SACM1L: variants seen among roughly 807,000 people sequenced by gnomAD.
SACM1L encodes SAC1 like phosphatidylinositide phosphatase, also known as phosphatidylinositol-3-phosphatase SAC1.
SACM1L carries 32 observed loss-of-function variants against 89.5 expected under a neutral mutation model. The ratio of observed to expected loss-of-function variants is 0.36; its 90% CI spans 0.27 to 0.48. The LOEUF (loss-of-function observed/expected upper bound fraction) is 0.48, where lower values mean the gene tolerates loss of function less well. Among genes scored for constraint, SACM1L ranks in the 20% least tolerant of loss-of-function variants. The probability of loss-of-function intolerance (pLI) is 0.99; values close to 1 mark genes in which losing one functional copy is unlikely to be tolerated. For synonymous variants in SACM1L, 213 were observed against 232.8 expected, an observed-to-expected ratio of 0.92 and a Z score of 0.77; for missense variants, 543 against 708.5, an observed-to-expected ratio of 0.77 and a Z score of 2.65.
chr3:45,731,252 C>G, intron 11 of SACM1L, 49 bp from the exon 12 acceptor site: 1 of 1,246,474 alleles, frequency 8.0e-7, no homozygotes, highest in Non-Finnish European at 1.2e-6. Context: ...TGATACCATT[C>G]TCTCCTTTGA....
At chr3:45,703,634 C>T (rs1157202456) in intron 2 of SACM1L, 99 bp downstream of exon 2, 2 of 707,388 alleles carry the variant, frequency 2.8e-6, no homozygotes, top group Non-Finnish European at 4.7e-6. Context: ...GTGTGTGGAT[C>T]TCTGAGTGCA....
At chr3:45,727,831 G>A (rs185455924) in intron 11 of SACM1L, among the ~76,000 whole-genome samples, 2 of 152,112 alleles carry the variant, frequency 1.3e-5, no homozygotes, top group African/African-American at 4.8e-5. Context: ...TCCTGACCTC[G>A]TGATCTGCCC....
At chr3:45,714,165 A>G (rs1559542702) in intron 7 of SACM1L, 86 bp downstream of exon 7, 2 of 733,682 alleles carry the variant, frequency 2.7e-6, no homozygotes, top group Non-Finnish European at 4.4e-6. Flanking sequence ...AGTCTCAAAT[A>G]CTCCATAAGG....
chr3:45,721,992 C>A lies in SACM1L; in HGVS notation c.680-8C>A. ...GTATAGTTAATTCTTAATTTTTTTT[C>A]TATTTAGGAATTGATTCGGAAGGCC... is the stretch of plus-strand genomic sequence containing the variant. On this transcript the variant is annotated splice_polypyrimidine_tract_variant and splice_region_variant and intron_variant, in intron 8 of 19. Coordinates refer to ENST00000389061, the MANE Select transcript of SACM1L (RefSeq NM_014016.5). The A allele has an allele frequency of 1.3e-6, 2 of 1,588,196 alleles. No homozygotes were observed. The highest frequency in any genetic ancestry group is 1.7e-6 in the Non-Finnish European group (2 of 1,160,068).
At chr3:45,734,070 C>T (rs145311640) in intron 13 of SACM1L, among the ~76,000 whole-genome samples, 26 of 149,832 alleles carry the variant, frequency 1.7e-4, no homozygotes, top group African/African-American at 5.4e-4. Flanking sequence ...CCCAATTGTT[C>T]TTTATAAATC....
At chr3:45,706,704 A>T in intron 3 of SACM1L, 76 bp from the exon 4 acceptor site, 1 of 1,292,794 alleles carries the variant, frequency 7.7e-7, no homozygotes, top group Non-Finnish European at 1.1e-6. Flanking sequence ...CTTTAAAGTT[A>T]AACAATAAGG....
At chr3:45,703,106 C>T (rs1297203807) in intron 1 of SACM1L, among the ~76,000 whole-genome samples, 2 of 152,292 alleles carry the variant, frequency 1.3e-5, no homozygotes, top group East Asian at 1.9e-4. Flanking sequence ...TCTAAGGTCA[C>T]ACTACTGGTA....
chr3:45,700,892 G>A (rs552776647), intron 1 of SACM1L, among the ~76,000 whole-genome samples: 337 of 152,226 alleles, frequency 2.2e-3, no homozygotes, highest in African/African-American at 7.5e-3. Context: ...GGCTGGTCTC[G>A]AACACCTGAC....
At position 45,735,382 on chromosome 3, in the gene SACM1L, G is replaced by GT; in HGVS notation, c.1239+9_1239+10insT. 3 of 1,467,042 alleles carry GT rather than the reference G, an allele frequency of 2.0e-6. No individual in the cohort carries two copies. Among genetic ancestry groups the GT allele is most frequent in the East Asian group, 2.5e-5 (1 of 40,506 alleles). The allele number at this position is 1,467,042 out of a possible 1,614,324, so 90.9% of individuals were successfully genotyped here. A position where few individuals can be genotyped will look rare whatever the true frequency, so the allele number is the denominator to read the frequency against. On this transcript the variant is annotated intron_variant, in intron 14 of 19. Transcript: ENST00000389061. ...TTCAGGCCCAACTTCAGGTGCGAATGCTTTTTTTTTTTTTAATTGAAAAAC... is the reference window on the plus strand; with the variant it reads ...TTCAGGCCCAACTTCAGGTGCGAATGTCTTTTTTTTTTTTTAATTGAAAAAC...
intron 13 of SACM1L, chr3:45,734,991 A>C: frequency 5.0e-6 from 2 of 396,946 alleles, no homozygotes; most frequent in South Asian, 1.4e-4. Context: ...ACTTTTTCAC[A>C]TCTTTGGGGT....
intron 11 of SACM1L, among the ~76,000 whole-genome samples, chr3:45,724,680 G>C (rs1698876065): frequency 6.6e-6 from 1 of 151,976 alleles, no homozygotes; most frequent in East Asian, 1.9e-4. Context: ...TCTGCTCTTG[G>C]TGTCAAATTC....
chr3:45,740,919 C>T (rs945594931), intron 19 of SACM1L, among the ~76,000 whole-genome samples: 5 of 152,126 alleles, frequency 3.3e-5, no homozygotes, highest in African/African-American at 7.2e-5. Context: ...GTAAAATTGC[C>T]TGAGAACCTG....
At position 45,709,472 on chromosome 3, in the gene SACM1L, CTA is replaced by C; in HGVS notation, c.334-23_334-22del. The C allele has an allele frequency of 2.5e-6, 4 of 1,573,258 alleles. No individual in the cohort carries two copies. The South Asian group carries it at 4.6e-5, about 18-fold the overall frequency. On this transcript the variant is annotated intron_variant, in intron 4 of 19. Coordinates refer to ENST00000389061, the MANE Select transcript of SACM1L (RefSeq NM_014016.5). ...TGGCAGATTCCTTTTCAATTATGAG[CTA>C]TACTGATTTTTCTTTGTTTATAGTT... is the stretch of plus-strand genomic sequence containing the variant.
intron 9 of SACM1L, 89 bp from the exon 10 acceptor site, chr3:45,722,780 T>C: frequency 1.1e-6 from 1 of 884,760 alleles, no homozygotes; most frequent in Non-Finnish European, 1.8e-6. Context: ...CCCTTGCATA[T>C]TCATTAATAT....
At chr3:45,693,570 C>T (rs1575380672) in intron 1 of SACM1L, among the ~76,000 whole-genome samples, 1 of 152,222 alleles carries the variant, frequency 6.6e-6, no homozygotes, top group Non-Finnish European at 1.5e-5. Context: ...CCCTTGGCCA[C>T]AAAGTCAGAT....
chr3:45,705,598 G>A (rs1179173088), intron 3 of SACM1L, among the ~76,000 whole-genome samples: 1 of 151,116 alleles, frequency 6.6e-6, no homozygotes, highest in Non-Finnish European at 1.5e-5. Flanking sequence ...CGCCTCCCGG[G>A]TTCAAGTGAT....
intron 19 of SACM1L, among the ~76,000 whole-genome samples, chr3:45,740,362 G>A (rs1189097659): frequency 1.3e-5 from 2 of 152,162 alleles, no homozygotes; most frequent in Non-Finnish European, 2.9e-5. Flanking sequence ...GGGTGAGGGA[G>A]ATTCAACAGG....
intron 5 of SACM1L, among the ~76,000 whole-genome samples, chr3:45,712,803 A>C (rs1025178954): frequency 8.7e-6 from 1 of 114,376 alleles, no homozygotes; most frequent in African/African-American, 3.0e-5. Context: ...AGGCAAGGGA[A>C]GGTGTGTTAG....
chr3:45,691,123 A>G (rs1411926937), intron 1 of SACM1L, among the ~76,000 whole-genome samples: 1 of 152,188 alleles, frequency 6.6e-6, no homozygotes, highest in African/African-American at 2.4e-5. Context: ...AGTAAGAATG[A>G]TGTTTTTGTA....
Sources: allele counts gnomAD v4.1 joint callset (sites outside exome capture counted in the v4.1 genomes callset), GRCh38; gene constraint gnomAD v4.1.1; transcripts MANE v1.5; gene names NCBI Gene and HGNC (gene_info 2026-07-23, HGNC 2026-07-21).